The following WWOX variants were observed in gnomAD, a reference collection of about 807,000 sequenced individuals.
WWOX encodes the protein WW domain containing oxidoreductase.
In WWOX, 69 loss-of-function variants were observed where a neutral mutation model predicts 46.2. The ratio of observed to expected loss-of-function variants is 1.49; its 90% confidence interval spans 1.23 to 1.82. The LOEUF is 1.82. Among genes scored for constraint, WWOX ranks in the 40% most tolerant of loss-of-function variants. The probability of loss-of-function intolerance (pLI) is 0.00; values close to 1 mark genes in which losing one functional copy is unlikely to be tolerated. For synonymous variants in WWOX, 359 were observed against 202.6 expected, an observed-to-expected ratio of 1.77 and a Z score of -6.56; for missense variants, 919 against 542.6, an observed-to-expected ratio of 1.69 and a Z score of -6.89.
At chr16:78,949,012 T>C (rs574917522) in intron 8 of WWOX, among the ~76,000 whole-genome samples, 2 of 152,212 alleles carry the variant, frequency 1.3e-5, no homozygotes, top group African/African-American at 2.4e-5. Context: ...GCTAGAAATA[T>C]GGGCGGCCCT....
At chr16:78,937,783 C>G (rs957660072) in intron 8 of WWOX, among the ~76,000 whole-genome samples, 1 of 151,756 alleles carries the variant, frequency 6.6e-6, no homozygotes, top group Admixed American at 6.6e-5. Flanking sequence ...TGCCACCATG[C>G]CTGGCTAACT....
intron 5 of WWOX, among the ~76,000 whole-genome samples, chr16:78,358,397 C>A (rs1453969087): frequency 6.6e-6 from 1 of 152,166 alleles, no homozygotes; most frequent in African/African-American, 2.4e-5. Context: ...GTGGCTTACA[C>A]CTGTAATCCC....
At chr16:78,996,333 T>C (rs1398624789) in intron 8 of WWOX, 7 of 977,638 alleles carry the variant, frequency 7.2e-6, no homozygotes, top group Non-Finnish European at 8.4e-6. Context: ...TGACAGAAGA[T>C]AGAAAGGATG....
intron 5 of WWOX, among the ~76,000 whole-genome samples, chr16:78,233,524 ATTTTTTT>A (rs36007148): frequency 7.9e-6 from 1 of 126,012 alleles, no homozygotes. Flanking sequence ...TGATGATTAA[ATTTTTTT>A]TTTTTTTTTT....
chr16:78,184,461 A>C (rs1655177442), intron 5 of WWOX, among the ~76,000 whole-genome samples: 1 of 152,048 alleles, frequency 6.6e-6, no homozygotes, highest in African/African-American at 2.4e-5. Flanking sequence ...TAAGCGTTTT[A>C]TGATTTGTGG....
At chr16:78,972,932 G>C (rs777317041) in intron 8 of WWOX, among the ~76,000 whole-genome samples, 1 of 152,176 alleles carries the variant, frequency 6.6e-6, no homozygotes, top group Non-Finnish European at 1.5e-5. Context: ...CCGAAGGGCT[G>C]AGTAATTGAC....
chr16:78,511,585 A>G (rs1490385813), intron 8 of WWOX, among the ~76,000 whole-genome samples: 5 of 152,152 alleles, frequency 3.3e-5, no homozygotes, highest in South Asian at 2.1e-4. Flanking sequence ...ACATCTCCCA[A>G]TATATTTCTT....
intron 8 of WWOX, among the ~76,000 whole-genome samples, chr16:78,808,096 G>A (rs547216172): frequency 1.3e-5 from 2 of 152,150 alleles, no homozygotes; most frequent in Non-Finnish European, 2.9e-5. Context: ...GACTCTCCTA[G>A]GGCCTAGGCC....
chr16:78,794,310 T>C (rs988137821), intron 8 of WWOX, among the ~76,000 whole-genome samples: 1 of 152,144 alleles, frequency 6.6e-6, no homozygotes, highest in Non-Finnish European at 1.5e-5. Context: ...GAGAAATAAA[T>C]TTCTTTTTTT....
chr16:78,278,538 G>A (rs1215397538), intron 5 of WWOX: 2 of 1,486,758 alleles, frequency 1.3e-6, no homozygotes, highest in Non-Finnish European at 1.8e-6. Flanking sequence ...AATGCTTCAA[G>A]AAACAGTTCT....
intron 8 of WWOX, among the ~76,000 whole-genome samples, chr16:79,171,216 A>G (rs986035970): frequency 6.6e-6 from 1 of 152,164 alleles, no homozygotes; most frequent in Admixed American, 6.5e-5. Flanking sequence ...ACCCGGGGAA[A>G]ATGTAGACGA....
intron 8 of WWOX, among the ~76,000 whole-genome samples, chr16:78,550,320 C>T (rs545142913): frequency 6.6e-6 from 1 of 152,276 alleles, no homozygotes; most frequent in Admixed American, 6.5e-5. Flanking sequence ...ATATTTTCTG[C>T]TTTGTGGCCT....
chr16:78,446,366 C>G (rs1385384615), intron 8 of WWOX, among the ~76,000 whole-genome samples: 5 of 152,146 alleles, frequency 3.3e-5, no homozygotes, highest in Admixed American at 3.3e-4. Flanking sequence ...GGTCAACATC[C>G]TGAAGTCTCA....
intron 8 of WWOX, among the ~76,000 whole-genome samples, chr16:79,166,698 C>T (rs2050601344): frequency 6.6e-6 from 1 of 152,116 alleles, no homozygotes; most frequent in South Asian, 2.1e-4. Context: ...GACTACTGTC[C>T]CTCAAGACCG....
intron 8 of WWOX, among the ~76,000 whole-genome samples, chr16:78,963,719 A>G (rs1445150987): frequency 1.3e-5 from 2 of 152,202 alleles, no homozygotes; most frequent in South Asian, 2.1e-4. Flanking sequence ...TAACACACAG[A>G]CACATATTGT....
chr16:78,820,114 G>A (rs1211181838), intron 8 of WWOX, among the ~76,000 whole-genome samples: 1 of 152,124 alleles, frequency 6.6e-6, no homozygotes, highest in Non-Finnish European at 1.5e-5. Context: ...TCATGGGCCT[G>A]GCACTCTAGT....
At position 79,022,078 on chromosome 16, in the gene WWOX, A is replaced by G. The variant is rs28439645; in HGVS notation, c.1057-189530A>G. On this transcript the variant is annotated intron_variant, in intron 8 of 8. Coordinates refer to ENST00000566780, the MANE Select transcript of WWOX (RefSeq NM_016373.4). ...AAGACAAAGAGAGATGGGGATGCCAAGTACCCTCTGGGCAGAGGAAACCAT... is the reference window on the plus strand; with the variant it reads ...AAGACAAAGAGAGATGGGGATGCCAGGTACCCTCTGGGCAGAGGAAACCAT... Among the ~76,000 whole-genome samples the G allele has an allele frequency of 9.9e-3, 1,504 of 152,348 alleles. 25 individuals are homozygous for G. Among genetic ancestry groups the G allele is most frequent in the African/African-American group, 0.024 (1,000 of 41,588 alleles).
At chr16:78,602,484 G>C (rs546223566) in intron 8 of WWOX, among the ~76,000 whole-genome samples, 9 of 152,186 alleles carry the variant, frequency 5.9e-5, no homozygotes, top group African/African-American at 1.7e-4. Flanking sequence ...CACCCACCTC[G>C]GCCTCTCAAA....
intron 8 of WWOX, among the ~76,000 whole-genome samples, chr16:78,885,334 G>C (rs2044432574): frequency 6.6e-6 from 1 of 151,794 alleles, no homozygotes. Context: ...CATTTGGTCA[G>C]TATAAAATCT....
Sources: allele counts gnomAD v4.1 joint callset (sites outside exome capture counted in the v4.1 genomes callset), GRCh38; gene constraint gnomAD v4.1.1; transcripts MANE v1.5; gene names NCBI Gene and HGNC (gene_info 2026-07-23, HGNC 2026-07-21).